The following CTBP2 variants were observed in gnomAD, a reference collection of about 807,000 sequenced individuals.
The protein encoded by CTBP2 is C-terminal-binding protein 2.
CTBP2 carries 30 observed loss-of-function variants against 80.3 expected under a neutral mutation model. The observed-to-expected ratio is 0.37, with a 90% confidence interval of 0.28 to 0.51. CTBP2 has a LOEUF of 0.51. CTBP2 is among the 20% of genes least tolerant of loss of function. The probability of loss-of-function intolerance (pLI) is 0.93; values close to 1 mark genes in which losing one functional copy is unlikely to be tolerated. For missense variants in CTBP2, 1,212 were observed against 1,375.3 expected, an observed-to-expected ratio of 0.88 and a Z score of 1.88; for synonymous variants, 594 against 587.4, an observed-to-expected ratio of 1.01 and a Z score of -0.16.
chr10:125,010,217 G>GTT (rs1181279751), intron 1 of CTBP2, among the ~76,000 whole-genome samples: 1 of 101,662 alleles, frequency 9.8e-6, no homozygotes, highest in Admixed American at 1.1e-4. Context: ...CTATTTTAAG[G>GTT]TTAAAAAAAA....
At chr10:125,074,250 G>A (rs1364916676) in intron 2 of CTBP2, among the ~76,000 whole-genome samples, 2 of 152,188 alleles carry the variant, frequency 1.3e-5, no homozygotes, top group Non-Finnish European at 2.9e-5. Flanking sequence ...AAATAGCTCA[G>A]GGCAACAAGG....
At position 124,997,991 on chromosome 10, in the gene CTBP2, C is replaced by T. The variant is rs765674932; in HGVS notation, c.2158G>A (p.Gly720Arg). The T allele has an allele frequency of 6.2e-6, 10 of 1,612,750 alleles. No homozygotes were observed. The South Asian group carries it at 1.1e-4, about 18-fold the overall frequency. The change falls in exon 4 of 9, where the codon GGG becomes AGG. Residue 720 changes from glycine (G) to arginine (R), a missense_variant. By Grantham distance (125) the Gly-to-Arg change is moderately radical. Coordinates refer to ENST00000309035, the MANE Select transcript of CTBP2 (RefSeq NM_022802.3). Reference sequence around the variant, plus strand: ...AAGCCAATGAGGCCCAGCGTCTCCCCACGGATGCGGGCCGCTCCCGAGGCC... The same window carrying T: ...AAGCCAATGAGGCCCAGCGTCTCCCTACGGATGCGGGCCGCTCCCGAGGCC...
chr10:125,059,948 A>G (rs1964643738), intron 2 of CTBP2, among the ~76,000 whole-genome samples: 1 of 152,128 alleles, frequency 6.6e-6, no homozygotes, highest in African/African-American at 2.4e-5. Context: ...GAAAAGGCTC[A>G]CCTGCAGGAC....
At chr10:125,053,114 C>T (rs1420027544) in intron 2 of CTBP2, among the ~76,000 whole-genome samples, 1 of 152,194 alleles carries the variant, frequency 6.6e-6, no homozygotes, top group African/African-American at 2.4e-5. Flanking sequence ...AACAAAACCC[C>T]ACACAACTTC....
At chr10:124,992,622 A>G in intron 8 of CTBP2, 73 bp downstream of exon 10, 1 of 1,107,372 alleles carries the variant, frequency 9.0e-7, no homozygotes, top group East Asian at 2.6e-5. Context: ...GCTTCCGCCA[A>G]GTTTGGGCTT....
chr10:125,062,380 C>T (rs1188399080), intron 2 of CTBP2, among the ~76,000 whole-genome samples: 4 of 152,154 alleles, frequency 2.6e-5, no homozygotes, highest in African/African-American at 7.2e-5. Flanking sequence ...AGAGAACGCA[C>T]GTGAAATGAG....
At chr10:125,047,561 A>G (rs1264823998) in intron 2 of CTBP2, among the ~76,000 whole-genome samples, 3 of 152,260 alleles carry the variant, frequency 2.0e-5, no homozygotes, top group Non-Finnish European at 4.4e-5. Context: ...AAGGGTTTTG[A>G]ACTTGAGGAC....
chr10:125,060,701 C>G (rs1964802238), intron 2 of CTBP2, among the ~76,000 whole-genome samples: 1 of 152,280 alleles, frequency 6.6e-6, no homozygotes, highest in South Asian at 2.1e-4. Context: ...GAACCATGAC[C>G]AGGAGAGAGG....
intron 1 of CTBP2, among the ~76,000 whole-genome samples, chr10:125,112,687 A>G (rs1168569256): frequency 2.0e-5 from 3 of 152,176 alleles, no homozygotes; most frequent in African/African-American, 7.2e-5. Flanking sequence ...TTGGCCTCCC[A>G]AAGTGCTGGG....
chr10:125,144,516 T>C (rs1031971259), intron 1 of CTBP2, among the ~76,000 whole-genome samples: 11 of 152,194 alleles, frequency 7.2e-5, no homozygotes, highest in Admixed American at 3.9e-4. Context: ...TACTAATTAA[T>C]AAATTCCCCG....
At position 125,158,160 on chromosome 10, in the gene CTBP2, TA is replaced by T. The variant is rs201541277; in HGVS notation, c.-206+2158del. Among the ~76,000 whole-genome samples, 727 of 150,112 alleles carry T rather than the reference TA, an allele frequency of 4.8e-3. 2 individuals carry two copies. The highest frequency in any genetic ancestry group is 0.014 in the Middle Eastern group (4 of 292). ...CTTCAAAATAGAAAAGATTTATATT[TA>T]AAAAAAAAGGGGGGGGTTAAAAACC... On this transcript the variant is annotated intron_variant, in intron 1 of 10. Coordinates refer to the CTBP2 transcript ENST00000337195.
In CTBP2 at chr10:125,026,339, G is replaced by A; in HGVS notation, c.1421C>T (p.Pro474Leu). The A allele has an allele frequency of 6.2e-7, 1 of 1,613,876 alleles. No homozygotes were observed. Among genetic ancestry groups the A allele is most frequent in the Non-Finnish European group, 8.5e-7 (1 of 1,179,948 alleles). ...CGTGGAGTAGGCTGTTCTGGGGCCT[G>A]GGTGAAGGGGGTTTGAGGGGCCCGG... Residue 474 changes from proline (P) to leucine (L), a missense_variant, in exon 1 of 9, where the codon CCA becomes CTA. By Grantham distance (98) the Pro-to-Leu change is moderately conservative. Transcript: ENST00000309035.
intron 2 of CTBP2, among the ~76,000 whole-genome samples, chr10:125,075,947 T>C (rs990694648): frequency 6.6e-6 from 1 of 152,220 alleles, no homozygotes; most frequent in East Asian, 1.9e-4. Context: ...TCAACAGACA[T>C]GCGTGTAGCA....
intron 2 of CTBP2, among the ~76,000 whole-genome samples, chr10:125,097,536 A>G (rs1849716608): frequency 6.6e-6 from 1 of 152,182 alleles, no homozygotes. Flanking sequence ...TGATGAGTAC[A>G]GGGTACAAGG....
At chr10:125,040,252 C>T (rs910187846) in intron 2 of CTBP2, among the ~76,000 whole-genome samples, 4 of 151,966 alleles carry the variant, frequency 2.6e-5, no homozygotes, top group South Asian at 2.1e-4. Context: ...GTCAGGAGTT[C>T]GAGACCAGCC....
At chr10:125,023,559 C>A (rs1296632401) in intron 1 of CTBP2, among the ~76,000 whole-genome samples, 4 of 152,184 alleles carry the variant, frequency 2.6e-5, no homozygotes, top group African/African-American at 9.7e-5. Flanking sequence ...GACCCCACCA[C>A]CTGCCAGGTG....
In CTBP2 at chr10:125,098,742, G is replaced by GAC. The variant is rs374036982; in HGVS notation, c.-102+12247_-102+12248insGT. Among the ~76,000 whole-genome samples, 675 of 106,652 alleles carry GAC rather than the reference G, an allele frequency of 6.3e-3. 16 individuals carry two copies. Among genetic ancestry groups the GAC allele is most frequent in the African/African-American group, 0.019 (383 of 20,376 alleles). The allele number at this position is 106,652 out of a possible 152,430, so 70.0% of individuals were successfully genotyped here. ...AGAGAGACAGAGAGAGAGAGAGAGA[G>GAC]AGAGAGACAGAGAGAGAGAGAGAGA... On this transcript the variant is annotated intron_variant, in intron 2 of 10. Coordinates refer to the CTBP2 transcript ENST00000337195.
intron 2 of CTBP2, among the ~76,000 whole-genome samples, chr10:125,054,892 A>C (rs1233883419): frequency 2.6e-5 from 4 of 152,170 alleles, no homozygotes; most frequent in African/African-American, 9.7e-5. Flanking sequence ...TATTCTCCTC[A>C]CAACAGCAAT....
intron 2 of CTBP2, among the ~76,000 whole-genome samples, chr10:125,105,472 CCA>C (rs1318853722): frequency 1.3e-5 from 2 of 152,168 alleles, no homozygotes; most frequent in Non-Finnish European, 2.9e-5. Context: ...AAATTCAGAT[CCA>C]GATACTAAAT....
Sources: allele counts gnomAD v4.1 joint callset (sites outside exome capture counted in the v4.1 genomes callset), GRCh38; gene constraint gnomAD v4.1.1; transcripts MANE v1.5; gene names NCBI Gene and HGNC (gene_info 2026-07-23, HGNC 2026-07-21).